PLEKHA6: variants seen among roughly 807,000 people sequenced by gnomAD.
PLEKHA6 encodes pleckstrin homology domain-containing family A member 6.
A neutral mutation model predicts 116.7 loss-of-function variants in PLEKHA6; 60 were observed. That is an observed-to-expected ratio of 0.51 (90% CI 0.42 to 0.64). The LOEUF (loss-of-function observed/expected upper bound fraction) is 0.64, where lower values mean the gene tolerates loss of function less well. PLEKHA6 is among the 30% of genes least tolerant of loss of function. The pLI is 0.00. For synonymous variants in PLEKHA6, 489 were observed against 556.1 expected (o/e 0.88, Z 1.70); for missense variants, 1,338 against 1,422.7 (o/e 0.94, Z 0.96).
intron 1 of PLEKHA6, among the ~76,000 whole-genome samples, chr1:204,304,975 T>C (rs1206697934): frequency 3.3e-5 from 5 of 152,208 alleles, no homozygotes; most frequent in Non-Finnish European, 5.9e-5. Context: ...CTCTTAAATT[T>C]CTGTGAGCCC....
intron 1 of PLEKHA6, chr1:204,371,659 A>G (rs537362242): frequency 1.0e-4 from 16 of 152,394 alleles, no homozygotes; most frequent in African/African-American, 3.8e-4. Context: ...TTTTCTGAGC[A>G]GGACACTCAT....
chr1:204,319,438 G>C (rs1671978041), intron 1 of PLEKHA6, among the ~76,000 whole-genome samples: 1 of 152,188 alleles, frequency 6.6e-6, no homozygotes, highest in Non-Finnish European at 1.5e-5. Context: ...AGGAAATTGA[G>C]ATCAAGAGAC....
At chr1:204,289,457 A>G (rs1390799003) in intron 1 of PLEKHA6, among the ~76,000 whole-genome samples, 1 of 152,148 alleles carries the variant, frequency 6.6e-6, no homozygotes, top group African/African-American at 2.4e-5. Flanking sequence ...TCAGTAGCCC[A>G]GCCACTGTGG....
chr1:204,306,317 G>T (rs1250613692), intron 1 of PLEKHA6, among the ~76,000 whole-genome samples: 3 of 152,088 alleles, frequency 2.0e-5, no homozygotes, highest in Non-Finnish European at 4.4e-5. Context: ...CCCTGTACAA[G>T]GCAGTTCTCT....
At chr1:204,370,632 G>T (rs1022860685) in intron 2 of PLEKHA6, among the ~76,000 whole-genome samples, 8 of 152,164 alleles carry the variant, frequency 5.3e-5, no homozygotes, top group Admixed American at 1.3e-4. Flanking sequence ...AGCCCTGAGG[G>T]CTACCAGTGA....
At chr1:204,377,748 TTG>T (rs1673895898), upstream of PLEKHA6, 1 of 152,186 alleles carries the variant, frequency 6.6e-6, no homozygotes, top group Non-Finnish European at 1.5e-5. Context: ...GAACCCCCAC[TTG>T]CTGCCCCCTT....
chr1:204,245,540 G>A, intron 14 of PLEKHA6, 75 bp downstream of exon 14: 1 of 841,334 alleles, frequency 1.2e-6, no homozygotes, highest in Non-Finnish European at 2.0e-6. Context: ...TGGCAGGAGT[G>A]GGATGGAGGT....
intron 1 of PLEKHA6, among the ~76,000 whole-genome samples, chr1:204,356,484 T>G (rs1225951969): frequency 6.6e-6 from 1 of 152,060 alleles, no homozygotes; most frequent in Non-Finnish European, 1.5e-5. Context: ...GGAGGATCGC[T>G]TGAGCCTAGG....
chr1:204,315,605 C>T (rs778316572), intron 1 of PLEKHA6, among the ~76,000 whole-genome samples: 13 of 152,278 alleles, frequency 8.5e-5, no homozygotes, highest in East Asian at 1.9e-4. Flanking sequence ...AAACCCCCTC[C>T]GCCGTGAAGT....
chr1:204,278,150 G>C (rs1227576422), intron 1 of PLEKHA6, among the ~76,000 whole-genome samples: 1 of 152,164 alleles, frequency 6.6e-6, no homozygotes, highest in Non-Finnish European at 1.5e-5. Context: ...CTTTCCTAAT[G>C]TCCTTCATGT....
At position 204,359,366 on chromosome 1, in the gene PLEKHA6, G is replaced by A. The variant is rs557067941; in HGVS notation, c.-95+328C>T. Among the ~76,000 whole-genome samples, 30 of 152,252 alleles carry A rather than the reference G, an allele frequency of 2.0e-4. No homozygotes were observed. The Middle Eastern group carries it at 0.01, about 52-fold the overall frequency. On this transcript the variant is annotated intron_variant, in intron 1 of 22. Coordinates refer to ENST00000272203, the MANE Select transcript of PLEKHA6 (RefSeq NM_014935.5). The stretch of plus-strand genomic sequence containing the variant: ...GGCTGGCCTCTCTGTGCTAGCTTGC[G>A]TGGGGGACCCCTGCTGGACCCTAGG...
intron 1 of PLEKHA6, chr1:204,311,562 T>C (rs1671659656): frequency 1.1e-6 from 1 of 951,508 alleles, no homozygotes; most frequent in Non-Finnish European, 1.3e-6. Flanking sequence ...TAAGGCTTCT[T>C]GAGTGTAACA....
intron 15 of PLEKHA6, among the ~76,000 whole-genome samples, chr1:204,243,922 G>A (rs376751133): frequency 1.3e-5 from 2 of 152,198 alleles, no homozygotes; most frequent in East Asian, 1.9e-4. Context: ...ATGGGTTCAC[G>A]CCATTCTCCT....
chr1:204,366,139 G>A (rs896438354), intron 3 of PLEKHA6, among the ~76,000 whole-genome samples: 4 of 152,206 alleles, frequency 2.6e-5, no homozygotes, highest in Non-Finnish European at 4.4e-5. Flanking sequence ...GTGAGATGCC[G>A]TAATACATGT....
chr1:204,251,818 C>T (rs991668858), intron 9 of PLEKHA6, among the ~76,000 whole-genome samples: 17 of 152,164 alleles, frequency 1.1e-4, no homozygotes, highest in Non-Finnish European at 2.5e-4. Context: ...CAGAAGGGGC[C>T]GGGAGGCCAC....
intron 1 of PLEKHA6, among the ~76,000 whole-genome samples, chr1:204,338,210 C>A (rs1428923090): frequency 6.6e-6 from 1 of 152,196 alleles, no homozygotes; most frequent in Non-Finnish European, 1.5e-5. Flanking sequence ...CAACTCCATC[C>A]TCTATAAAAT....
chr1:204,319,783 G>T lies in PLEKHA6; in HGVS notation c.-95+39911C>A, dbSNP rs1203311339. On this transcript the variant is annotated intron_variant, in intron 1 of 22. Transcript: ENST00000272203. ...CATTTCTCAATAAATATTTGGGGAAGAAAGGGAGGAAAGGGAGGACAGAAG... is the reference window on the plus strand; with the variant it reads ...CATTTCTCAATAAATATTTGGGGAATAAAGGGAGGAAAGGGAGGACAGAAG... Among the ~76,000 whole-genome samples the T allele has an allele frequency of 1.4e-4, 22 of 152,136 alleles. 1 individual carries two copies. The highest frequency in any genetic ancestry group is 1.5e-5 in the Non-Finnish European group (1 of 68,028).
rs571943134 is a variant in PLEKHA6 at position 204,269,644 on chromosome 1, C to T, written c.103-1332G>A. 2.6e-5 allele frequency among the ~76,000 whole-genome samples: 4 copies of T among 152,060 alleles called. No individual in the cohort carries two copies. In the South Asian group the frequency reaches 8.3e-4, roughly 32 times the overall value. On this transcript the variant is annotated intron_variant, in intron 3 of 22. Transcript: ENST00000272203. ...GAAATTTGAGGCTATTAGACATGCA[C>T]TCCCTCAATGTCACACCCTTTTACC...
intron 3 of PLEKHA6, among the ~76,000 whole-genome samples, chr1:204,269,425 A>T (rs527973582): frequency 7.5e-6 from 1 of 133,386 alleles, no homozygotes; most frequent in South Asian, 2.4e-4. Context: ...ACTCATAGCC[A>T]GATTATGGTG....
Sources: allele counts gnomAD v4.1 joint callset (sites outside exome capture counted in the v4.1 genomes callset), GRCh38; gene constraint gnomAD v4.1.1; transcripts MANE v1.5; gene names NCBI Gene and HGNC (gene_info 2026-07-23, HGNC 2026-07-21).